Variants in UNC79 observed in about 807,000 individuals in gnomAD.
The protein encoded by UNC79 is unc-79 subunit of NALCN channel complex.
Under a neutral mutation model 283.1 loss-of-function variants are expected in UNC79, and 37 were observed. The observed-to-expected ratio is 0.13, with a 90% confidence interval of 0.10 to 0.17. The LOEUF is 0.17. Ranked by LOEUF, UNC79 falls within the 10% of genes least tolerant of loss-of-function variation. UNC79 has a pLI of 1.00. For missense variants in UNC79, 2,272 were observed against 3,211.1 expected (o/e 0.71, Z 7.07); for synonymous variants, 1,107 against 1,200.2 (o/e 0.92, Z 1.61).
chr14:93,574,493 T>C (rs1402174107), intron 16 of UNC79, among the ~76,000 whole-genome samples: 3 of 152,202 alleles, frequency 2.0e-5, no homozygotes, highest in African/African-American at 7.2e-5. Flanking sequence ...GTGGGAGGGA[T>C]AGGATTAGAT....
At chr14:93,666,955 A>G (rs1359272982) in intron 40 of UNC79, among the ~76,000 whole-genome samples, 5 of 152,092 alleles carry the variant, frequency 3.3e-5, no homozygotes, top group Non-Finnish European at 7.4e-5. Context: ...AAATAAAACA[A>G]TTAGCCAGTG....
In UNC79 at chr14:93,652,806, C is replaced by A. The variant is rs564791266; in HGVS notation, c.6084-936C>A. 9.9e-5 allele frequency among the ~76,000 whole-genome samples: 15 copies of A among 152,232 alleles called. No individual in the cohort carries two copies. In the South Asian group the frequency reaches 3.1e-3, roughly 32 times the overall value. On this transcript the variant is annotated intron_variant, in intron 35 of 48. Coordinates refer to ENST00000555664, the Ensembl canonical transcript of UNC79. ...GGGTCTGTCTGTCCTCTTCCCATTT[C>A]TTTTCTGTTTCCTTCTTTTTTAAAA...
chr14:93,622,951 G>A (rs2067248113), intron 30 of UNC79, 110 bp downstream of exon 32: 1 of 1,372,822 alleles, frequency 7.3e-7, no homozygotes. Flanking sequence ...ATAATGTCAG[G>A]GTGTGACATT....
At chr14:93,680,266 A>T (rs2073738571) in intron 41 of UNC79, among the ~76,000 whole-genome samples, 1 of 152,202 alleles carries the variant, frequency 6.6e-6, no homozygotes, top group Non-Finnish European at 1.5e-5. Flanking sequence ...ATAGGTGAGA[A>T]AGTGATCTGC....
At chr14:93,476,140 A>T (rs985555150) in intron 3 of UNC79, among the ~76,000 whole-genome samples, 3 of 152,126 alleles carry the variant, frequency 2.0e-5, no homozygotes, top group Admixed American at 6.6e-5. Context: ...ATTTTTAGCA[A>T]GATCCTTGTG....
At chr14:93,453,705 C>A (rs958197006) in intron 1 of UNC79, among the ~76,000 whole-genome samples, 5 of 152,214 alleles carry the variant, frequency 3.3e-5, no homozygotes, top group Non-Finnish European at 7.4e-5. Context: ...GAGGAAGCTG[C>A]TTAGTAAACT....
Position 93,542,404 on chromosome 14 carries a change from C to A in UNC79, c.1525-62C>A, listed in dbSNP as rs573081097. 2.1e-5 allele frequency: 32 copies of A among 1,498,670 alleles called. No homozygotes were observed. In the African/African-American group the frequency reaches 3.5e-4, roughly 16 times the overall value. 92.8% of individuals were successfully genotyped at this position (1,498,670 alleles called of 1,614,324 possible). A position where few individuals can be genotyped will look rare whatever the true frequency, so the allele number is the denominator to read the frequency against. ...TTTTTATTTTTTGCCTCTTAATGCA[C>A]CTATAATAATTTTGTAAAGATGGAT... is the stretch of plus-strand genomic sequence containing the variant. On this transcript the variant is annotated intron_variant, in intron 13 of 48. Transcript: ENST00000555664.
chr14:93,676,115 G>A (rs1384786810), intron 41 of UNC79, among the ~76,000 whole-genome samples: 1 of 152,122 alleles, frequency 6.6e-6, no homozygotes, highest in Non-Finnish European at 1.5e-5. Context: ...GGAACGCAGT[G>A]GCATGGTCTT....
intron 34 of UNC79, 148 bp downstream of exon 37, chr14:93,643,845 C>A: frequency 8.3e-7 from 1 of 1,207,306 alleles, no homozygotes; most frequent in Non-Finnish European, 1.1e-6. Flanking sequence ...TTTTAAAAAC[C>A]AAATAGACTC....
Position 93,644,405 on chromosome 14 carries a change from A to T in UNC79, c.6044+708A>T, listed in dbSNP as rs79168814. 9.1e-3 allele frequency among the ~76,000 whole-genome samples: 1,391 copies of T among 152,334 alleles called. 23 individuals carry two copies. Among genetic ancestry groups the T allele is most frequent in the African/African-American group, 0.031 (1,305 of 41,570 alleles). On this transcript the variant is annotated intron_variant, in intron 34 of 48. Coordinates refer to ENST00000555664, the Ensembl canonical transcript of UNC79. ...GAGAGGGTTGAATTAAATGCCACAT[A>T]AATGTATTAACATTTCCAATCTGTG...
Position 93,436,329 on chromosome 14 carries a change from A to G in UNC79, c.22+5278A>G, listed in dbSNP as rs147732187. On this transcript the variant is annotated intron_variant, in intron 1 of 48. Coordinates refer to ENST00000555664, the Ensembl canonical transcript of UNC79. ...AAAGTACTTAAAATATATTTGCTAA[A>G]TCAAATGTTACAGTATTTATACAAC... is the stretch of plus-strand genomic sequence containing the variant. 1.7e-3 allele frequency among the ~76,000 whole-genome samples: 261 copies of G among 152,350 alleles called. 2 individuals are homozygous for G. The highest frequency in any genetic ancestry group is 6.0e-3 in the African/African-American group (248 of 41,580).
intron 38 of UNC79, among the ~76,000 whole-genome samples, chr14:93,658,812 A>G (rs1364006042): frequency 6.6e-6 from 1 of 152,124 alleles, no homozygotes; most frequent in East Asian, 1.9e-4. Context: ...GATACATTTA[A>G]TATCTACCCA....
chr14:93,556,684 GA>G (rs57312780), intron 14 of UNC79, among the ~76,000 whole-genome samples: 128,013 of 146,370 alleles, frequency 0.87, 55,919 homozygotes, highest in East Asian at 0.98. Context: ...AATTGACTGA[GA>G]AAAAAAAAAA....
intron 32 of UNC79, among the ~76,000 whole-genome samples, chr14:93,637,856 A>G (rs546690659): frequency 7.2e-5 from 11 of 152,262 alleles, no homozygotes; most frequent in Admixed American, 1.3e-4. Flanking sequence ...TCAGTTTTCC[A>G]TATCATGCCA....
intron 30 of UNC79, among the ~76,000 whole-genome samples, chr14:93,630,580 T>C (rs1282079524): frequency 6.6e-6 from 1 of 152,220 alleles, no homozygotes; most frequent in Non-Finnish European, 1.5e-5. Flanking sequence ...ATCATTAATC[T>C]CCAAAAGGCA....
At chr14:93,357,800 G>GATATAT (rs1301897296) in intron 1 of UNC79, among the ~76,000 whole-genome samples, 1 of 104,738 alleles carries the variant, frequency 9.5e-6, no homozygotes, top group Non-Finnish European at 2.0e-5. Context: ...TATATATATG[G>GATATAT]ATATATGGAT....
At chr14:93,476,870 T>C (rs1344245181) in intron 3 of UNC79, among the ~76,000 whole-genome samples, 1 of 152,214 alleles carries the variant, frequency 6.6e-6, no homozygotes, top group Non-Finnish European at 1.5e-5. Context: ...TAATAACAGC[T>C]AATATTTGTG....
intron 1 of UNC79, among the ~76,000 whole-genome samples, chr14:93,361,211 C>CAAAAAAAAAAAAAAAAAAAAA (rs58267219): frequency 1.8e-5 from 1 of 54,382 alleles, no homozygotes; most frequent in Non-Finnish European, 3.2e-5. Context: ...GACTCTGTCT[C>CAAAAAAAAAAAAAAAAAAAAA]AAAAAAAAAA....
rs1042414709 is a variant in UNC79 at position 93,688,518 on chromosome 14, A to G, written c.6910-147A>G. On this transcript the variant is annotated intron_variant, in intron 43 of 48. Coordinates refer to ENST00000555664, the Ensembl canonical transcript of UNC79. The surrounding 1 kb of genome is among the most constrained non-coding windows in gnomAD (Gnocchi z 4.0). Reference sequence around the variant, plus strand: ...TTTCCCTCCTTTTATCCTAAGAACAATGGGAAGGCTCTGAAGAAGTTTAAG... The same window carrying G: ...TTTCCCTCCTTTTATCCTAAGAACAGTGGGAAGGCTCTGAAGAAGTTTAAG... 4.7e-6 allele frequency: 4 copies of G among 849,976 alleles called. No homozygotes were observed. Among genetic ancestry groups the G allele is most frequent in the East Asian group, 2.7e-5 (1 of 36,706 alleles). 52.7% of individuals were successfully genotyped at this position (849,976 alleles called of 1,614,324 possible). A position where few individuals can be genotyped will look rare whatever the true frequency, so the allele number is the denominator to read the frequency against.
Sources: gnomAD v4.1 joint callset for allele counts (sites outside exome capture counted in the v4.1 genomes callset) on GRCh38, gnomAD v4.1.1 for gene constraint, Gnocchi (gnomAD v3.1) non-coding constraint, MANE v1.5 for transcripts, NCBI Gene and HGNC (gene_info 2026-07-23, HGNC 2026-07-21) for gene names.